Variants in SCML4 observed in about 807,000 individuals in gnomAD.
SCML4 encodes the protein sex comb on midleg-like protein 4.
In SCML4, 34 loss-of-function variants were observed where a neutral mutation model predicts 41.1. The ratio of observed to expected loss-of-function variants is 0.83; its 90% CI spans 0.63 to 1.10. SCML4 has a LOEUF of 1.10. SCML4 is among the 50% of genes least tolerant of loss of function. SCML4 has a pLI of 0.00. For missense variants in SCML4, 522 were observed against 534.1 expected (o/e 0.98, Z 0.22); for synonymous variants, 214 against 220.9 (o/e 0.97, Z 0.28).
intron 1 of SCML4, among the ~76,000 whole-genome samples, chr6:107,797,944 C>T (rs1233360649): frequency 1.4e-4 from 21 of 151,958 alleles, no homozygotes; most frequent in Non-Finnish European, 3.1e-4. Context: ...GAATGCTAAA[C>T]AAGCTTGCAT....
chr6:107,803,371 A>T (rs1783419067), intron 1 of SCML4, among the ~76,000 whole-genome samples: 1 of 149,894 alleles, frequency 6.7e-6, no homozygotes, highest in Admixed American at 6.6e-5. Flanking sequence ...CCCGTCTGGG[A>T]GGGAGGTGGG....
chr6:107,801,874 C>T (rs1435027070), intron 1 of SCML4, among the ~76,000 whole-genome samples: 1 of 152,042 alleles, frequency 6.6e-6, no homozygotes, highest in African/African-American at 2.4e-5. Flanking sequence ...AAGTGATTCT[C>T]CCGCCTCAGC....
At chr6:107,780,569 T>A (rs1013601495) in intron 1 of SCML4, among the ~76,000 whole-genome samples, 1 of 151,794 alleles carries the variant, frequency 6.6e-6, no homozygotes, top group Admixed American at 6.6e-5. Flanking sequence ...TAGCCTAGCG[T>A]GGTGGCACAC....
chr6:107,751,408 G>T (rs1778610209), intron 2 of SCML4, among the ~76,000 whole-genome samples: 1 of 152,162 alleles, frequency 6.6e-6, no homozygotes, highest in Non-Finnish European at 1.5e-5. Flanking sequence ...TGAGGCAGGA[G>T]TATGCCTGGA....
At chr6:107,742,044 A>C (rs2114484195) in intron 5 of SCML4, among the ~76,000 whole-genome samples, 1 of 152,292 alleles carries the variant, frequency 6.6e-6, no homozygotes, top group East Asian at 1.9e-4. Context: ...TAACACAGAA[A>C]AGCAATTCAG....
At chr6:107,743,928 C>T (rs1777820770) in intron 5 of SCML4, 2 of 152,218 alleles carry the variant, frequency 1.3e-5, no homozygotes, top group South Asian at 4.1e-4. Flanking sequence ...CTAAACCTGT[C>T]TGCGAGCACA....
At chr6:107,771,748 T>C (rs1487896264) in intron 2 of SCML4, among the ~76,000 whole-genome samples, 3 of 152,192 alleles carry the variant, frequency 2.0e-5, no homozygotes, top group Non-Finnish European at 1.5e-5. Context: ...ACATTATTAA[T>C]TTAAATGTCT....
At chr6:107,799,000 T>A (rs1782910005) in intron 1 of SCML4, among the ~76,000 whole-genome samples, 1 of 152,162 alleles carries the variant, frequency 6.6e-6, no homozygotes, top group Admixed American at 6.5e-5. Flanking sequence ...ATTGTCTATG[T>A]TGGTGAATGT....
the SCML4 span, among the ~76,000 whole-genome samples, chr6:107,841,117 GT>G: frequency 6.6e-6 from 1 of 150,572 alleles, no homozygotes; most frequent in South Asian, 2.1e-4. Flanking sequence ...AAAATGAAGG[GT>G]CATTGGTATT....
At chr6:107,748,721 C>T (rs181334459) in intron 3 of SCML4, among the ~76,000 whole-genome samples, 21 of 152,308 alleles carry the variant, frequency 1.4e-4, no homozygotes, top group Admixed American at 1.4e-3. Context: ...GGGAAGTAAG[C>T]CTATTCAGAT....
At chr6:107,791,444 G>C (rs1782321126) in intron 1 of SCML4, among the ~76,000 whole-genome samples, 1 of 152,170 alleles carries the variant, frequency 6.6e-6, no homozygotes, top group Non-Finnish European at 1.5e-5. Flanking sequence ...TCTCAGAGTG[G>C]CCACTGGAAA....
intron 6 of SCML4, chr6:107,720,408 A>G (rs1775255352): frequency 9.2e-7 from 1 of 1,082,366 alleles, no homozygotes; most frequent in Non-Finnish European, 1.1e-6. Context: ...AATCAGGAAC[A>G]TTCACCTTTG....
intron 1 of SCML4, among the ~76,000 whole-genome samples, chr6:107,789,595 C>T (rs1418326392): frequency 6.6e-6 from 1 of 152,234 alleles, no homozygotes; most frequent in East Asian, 1.9e-4. Context: ...ACCACACACA[C>T]TTAGTCCAGA....
intron 1 of SCML4, among the ~76,000 whole-genome samples, chr6:107,785,198 T>A (rs1043125038): frequency 1.3e-5 from 2 of 152,214 alleles, no homozygotes; most frequent in Non-Finnish European, 2.9e-5. Flanking sequence ...AGGAGTGCAT[T>A]CTTCTTCTAT....
At chr6:107,717,290 C>A (rs75358785) in intron 6 of SCML4, among the ~76,000 whole-genome samples, 1,255 of 118,564 alleles carry the variant, frequency 0.011, no homozygotes, top group Middle Eastern at 0.017. Flanking sequence ...GACTCTGTCT[C>A]AAAAAAAAAA....
intron 1 of SCML4, among the ~76,000 whole-genome samples, chr6:107,774,772 A>G (rs1016178574): frequency 6.6e-6 from 1 of 152,188 alleles, no homozygotes; most frequent in African/African-American, 2.4e-5. Context: ...CTGTAATCCC[A>G]GCACACTGGG....
rs888869646 is a variant in SCML4 at position 107,705,077 on chromosome 6, C to T, written c.*123G>A. ...ATTCACAAGTTTTATAAAAAGACCA[C>T]GTCTCTGTGGCTGTTAATTTTAAGA... On this transcript the variant is annotated 3_prime_UTR_variant, in exon 8 of 8. Transcript: ENST00000369020. 1.6e-5 allele frequency: 14 copies of T among 899,810 alleles called. No individual in the cohort carries two copies. The highest frequency in any genetic ancestry group is 2.6e-5 in the East Asian group (1 of 38,086). 55.7% of individuals were successfully genotyped at this position (899,810 alleles called of 1,614,324 possible).
chr6:107,804,008 C>T, intron 1 of SCML4, among the ~76,000 whole-genome samples: 1 of 145,818 alleles, frequency 6.9e-6, no homozygotes. Flanking sequence ...GTGACCCTGC[C>T]AAATCCCCCT....
chr6:107,816,858 G>A (rs533205178), intron 1 of SCML4, among the ~76,000 whole-genome samples: 72 of 152,306 alleles, frequency 4.7e-4, no homozygotes, highest in Non-Finnish European at 9.6e-4. Context: ...AAAATGGTCT[G>A]GGACTTCAGT....
Sources: allele counts gnomAD v4.1 joint callset (sites outside exome capture counted in the v4.1 genomes callset), GRCh38; gene constraint gnomAD v4.1.1; transcripts MANE v1.5; gene names NCBI Gene and HGNC (gene_info 2026-07-23, HGNC 2026-07-21).